ATRNL1: variants seen among roughly 807,000 people sequenced by gnomAD.
ATRNL1 encodes the protein attractin-like protein 1.
ATRNL1 carries 95 observed loss-of-function variants against 182.7 expected under a neutral mutation model. The ratio of observed to expected loss-of-function variants is 0.52; its 90% confidence interval spans 0.44 to 0.62. The LOEUF (loss-of-function observed/expected upper bound fraction) is 0.62, where lower values mean the gene tolerates loss of function less well. ATRNL1 is among the 20% of genes least tolerant of loss of function. The pLI is 0.00. For missense variants in ATRNL1, 1,471 were observed against 1,679.5 expected (o/e 0.88, Z 2.17); for synonymous variants, 576 against 568.3 (o/e 1.01, Z -0.19).
intron 27 of ATRNL1, among the ~76,000 whole-genome samples, chr10:115,742,424 C>T (rs987731123): frequency 1.3e-5 from 2 of 151,926 alleles, no homozygotes; most frequent in African/African-American, 4.8e-5. Flanking sequence ...AGTTTACCTT[C>T]GATGATCTTA....
intron 8 of ATRNL1, among the ~76,000 whole-genome samples, chr10:115,203,117 A>G (rs149069870): frequency 3.9e-5 from 6 of 152,138 alleles, no homozygotes; most frequent in African/African-American, 1.4e-4. Context: ...GTATGAAATG[A>G]TTGTATTTTA....
intron 17 of ATRNL1, among the ~76,000 whole-genome samples, chr10:115,313,625 C>A (rs1279294775): frequency 6.6e-6 from 1 of 152,114 alleles, no homozygotes; most frequent in Non-Finnish European, 1.5e-5. Flanking sequence ...GACTTTAGGT[C>A]AATAGGTGGT....
chr10:115,628,649 C>A (rs1858271188), intron 26 of ATRNL1, among the ~76,000 whole-genome samples: 1 of 152,026 alleles, frequency 6.6e-6, no homozygotes, highest in African/African-American at 2.4e-5. Flanking sequence ...GAATTCATTG[C>A]CAAATCCAAC....
intron 20 of ATRNL1, among the ~76,000 whole-genome samples, chr10:115,404,814 G>GTTTTT (rs1554957811): frequency 1.4e-5 from 1 of 73,832 alleles, no homozygotes; most frequent in African/African-American, 6.0e-5. Context: ...AAACCTCCCA[G>GTTTTT]CTTTTTTTTT....
chr10:115,772,623 G>GTGTGTA (rs1949022815), intron 27 of ATRNL1, among the ~76,000 whole-genome samples: 1 of 151,260 alleles, frequency 6.6e-6, no homozygotes, highest in African/African-American at 2.4e-5. Flanking sequence ...GTGTGTGTGT[G>GTGTGTA]TGTGTGTGTA....
chr10:115,880,640 A>G (rs1951805941), intron 28 of ATRNL1, among the ~76,000 whole-genome samples: 1 of 152,106 alleles, frequency 6.6e-6, no homozygotes, highest in Admixed American at 6.6e-5. Context: ...AAAAACAAAA[A>G]AGAAAGGGAG....
In ATRNL1 at chr10:115,093,539, G is replaced by A. The variant is rs782639099; in HGVS notation, c.-212G>A. ...GCTAAGGACAAGGTCGGGAGACTGG[G>A]TGGCGATGCCCGAGTGCGACTGGAG... On this transcript the variant is annotated 5_prime_UTR_variant, in exon 1 of 29. In the 5' UTR this introduces an upstream ATG that the reference lacks. Transcript: ENST00000355044. This position sits in a 1 kb window ranked among gnomAD's most constrained non-coding sequence, Gnocchi z 6.1. The A allele has an allele frequency of 3.0e-4, 207 of 684,204 alleles. 1 individual carries two copies. In the East Asian group the frequency reaches 5.7e-3, roughly 19 times the overall value. 42.4% of individuals were successfully genotyped at this position (684,204 alleles called of 1,614,324 possible).
At chr10:115,854,081 C>T (rs1951120494) in intron 28 of ATRNL1, among the ~76,000 whole-genome samples, 1 of 152,106 alleles carries the variant, frequency 6.6e-6, no homozygotes, top group South Asian at 2.1e-4. Flanking sequence ...GAGGTTACAG[C>T]CTATGCAGAG....
chr10:115,764,392 A>C (rs1948805743), intron 27 of ATRNL1, among the ~76,000 whole-genome samples: 1 of 152,108 alleles, frequency 6.6e-6, no homozygotes, highest in African/African-American at 2.4e-5. Flanking sequence ...ATGTGTAATG[A>C]CATGTATTTA....
At chr10:115,354,132 T>C (rs185006146) in intron 19 of ATRNL1, among the ~76,000 whole-genome samples, 161 of 152,246 alleles carry the variant, frequency 1.1e-3, no homozygotes, top group African/African-American at 3.7e-3. Context: ...CTTAAAACAT[T>C]ATAATTTTTT....
intron 5 of ATRNL1, among the ~76,000 whole-genome samples, chr10:115,144,800 T>A (rs1554878947): frequency 6.6e-6 from 1 of 152,220 alleles, no homozygotes; most frequent in Non-Finnish European, 1.5e-5. Flanking sequence ...TTGCTGTTTA[T>A]GCTTGACTGG....
chr10:115,099,405 T>G (rs2085103786), intron 1 of ATRNL1, among the ~76,000 whole-genome samples: 1 of 152,218 alleles, frequency 6.6e-6, no homozygotes, highest in African/African-American at 2.4e-5. Flanking sequence ...GTGGAAGCCT[T>G]TTTATCTTTG....
chr10:115,430,365 C>G (rs1339935812), intron 21 of ATRNL1, among the ~76,000 whole-genome samples: 1 of 151,714 alleles, frequency 6.6e-6, no homozygotes, highest in Non-Finnish European at 1.5e-5. Context: ...TAATTTCCTT[C>G]TCATATACTG....
chr10:115,368,475 AC>A (rs1360156490), intron 19 of ATRNL1, among the ~76,000 whole-genome samples: 1 of 151,964 alleles, frequency 6.6e-6, no homozygotes, highest in African/African-American at 2.4e-5. Context: ...TGCAGAAATC[AC>A]CCGTCTTCTG....
intron 24 of ATRNL1, among the ~76,000 whole-genome samples, chr10:115,506,267 A>C (rs1455447118): frequency 6.6e-6 from 1 of 151,204 alleles, no homozygotes; most frequent in African/African-American, 2.4e-5. Context: ...AGTCTGATAG[A>C]GTTGGTTAAA....
chr10:115,827,886 C>T (rs1555092454), intron 27 of ATRNL1, among the ~76,000 whole-genome samples: 1 of 152,090 alleles, frequency 6.6e-6, no homozygotes, highest in East Asian at 1.9e-4. Context: ...TCTCTGAAGG[C>T]AGTACCCCAG....
chr10:115,230,811 T>C lies in ATRNL1; in HGVS notation c.1533-10760T>C, dbSNP rs570093069. ...GTGAGAATTGGTTGGATTCCGAATA[T>C]ATTTTCAAGGTAGAACCAACAAGAA... On this transcript the variant is annotated intron_variant, in intron 9 of 28. Coordinates refer to ENST00000355044, the MANE Select transcript of ATRNL1 (RefSeq NM_207303.4). 3.3e-5 allele frequency among the ~76,000 whole-genome samples: 5 copies of C among 149,650 alleles called. No homozygotes were observed. In the East Asian group the frequency reaches 7.9e-4, roughly 24 times the overall value.
At chr10:115,467,338 T>A in intron 23 of ATRNL1, 86 bp downstream of exon 23, 1 of 933,892 alleles carries the variant, frequency 1.1e-6, no homozygotes, top group Non-Finnish European at 1.6e-6. Flanking sequence ...ATTAAATGTT[T>A]GAAATTTTAA....
At chr10:115,323,046 AATG>A in intron 18 of ATRNL1, among the ~76,000 whole-genome samples, 1 of 151,994 alleles carries the variant, frequency 6.6e-6, no homozygotes, top group Non-Finnish European at 1.5e-5. Context: ...AGTTTTCAGA[AATG>A]ATGTTTTCAA....
Sources: allele counts gnomAD v4.1 joint callset (sites outside exome capture counted in the v4.1 genomes callset), GRCh38; gene constraint gnomAD v4.1.1; non-coding constraint Gnocchi (gnomAD v3.1); transcripts MANE v1.5; gene names NCBI Gene and HGNC (gene_info 2026-07-23, HGNC 2026-07-21).